AP1M1: variants seen among roughly 807,000 people sequenced by gnomAD.
AP1M1 encodes the protein AP-1 complex subunit mu-1.
Under a neutral mutation model 57.1 loss-of-function variants are expected in AP1M1, and 18 were observed. That is an observed-to-expected ratio of 0.32 (90% CI 0.22 to 0.47). AP1M1 has a LOEUF of 0.47. Among genes scored for constraint, AP1M1 ranks in the 20% least tolerant of loss-of-function variants. AP1M1 has a pLI of 1.00. For synonymous variants in AP1M1, 241 were observed against 237.9 expected (o/e 1.01, Z -0.12); for missense variants, 362 against 593.5 (o/e 0.61, Z 4.05).
chr19:16,227,987 C>T lies in AP1M1; in HGVS notation c.817-150C>T. 1.1e-6 allele frequency: 1 copy of T among 870,532 alleles called. No individual in the cohort carries two copies. Among genetic ancestry groups the T allele is most frequent in the South Asian group, 1.6e-5 (1 of 64,044 alleles). 53.9% of individuals were successfully genotyped at this position (870,532 alleles called of 1,614,324 possible). ...GGCTACCTCGGCCTGTCTGCCCTGG[C>T]CCTCCCTGACGCTGGCTGTACGCTC... On this transcript the variant is annotated intron_variant, in intron 7 of 11. Coordinates refer to ENST00000291439, the MANE Select transcript of AP1M1 (RefSeq NM_032493.4). This position sits in a 1 kb window ranked among gnomAD's most constrained non-coding sequence, Gnocchi z 6.2.
At chr19:16,222,205 ATTATTAT>A (rs1232891209) in intron 5 of AP1M1, among the ~76,000 whole-genome samples, 628 of 60,372 alleles carry the variant, frequency 0.01, 6 homozygotes, top group African/African-American at 0.021. Flanking sequence ...TACTATTATT[ATTATTAT>A]TTTTTTTTTT....
At position 16,245,587 on chromosome 19, in the gene AP1M1, C is replaced by G. The variant is rs1045735285; in HGVS notation, c.*11152C>G. On this transcript the variant is annotated 3_prime_UTR_variant, in exon 12 of 12. Transcript: ENST00000291439. ...TCCACCCAGAATGACCTCTCTGTTC[C>G]TAGGAGTGTGACAGCATTTGGGGGG... is the stretch of plus-strand genomic sequence containing the variant. 1 of 152,542 alleles carries G rather than the reference C, an allele frequency of 6.6e-6. No homozygotes were observed. Among genetic ancestry groups the G allele is most frequent in the Admixed American group, 6.6e-5 (1 of 15,256 alleles). 9.4% of individuals were successfully genotyped at this position (152,542 alleles called of 1,614,324 possible).
chr19:16,201,475 T>TG (rs1388339941), intron 1 of AP1M1, among the ~76,000 whole-genome samples: 1 of 127,668 alleles, frequency 7.8e-6, no homozygotes, highest in Non-Finnish European at 1.6e-5. Context: ...CTCGGCTCAC[T>TG]GCAACCTCTG....
chr19:16,200,660 C>T (rs2091443083), intron 1 of AP1M1, among the ~76,000 whole-genome samples: 1 of 152,196 alleles, frequency 6.6e-6, no homozygotes, highest in Non-Finnish European at 1.5e-5. Context: ...GTCTGGTCAC[C>T]GAGGACACCA....
chr19:16,243,412 G>A lies in AP1M1; in HGVS notation c.*8977G>A, dbSNP rs1001093455. ...GTCTCACAAGTAGCTGGGATTACAG[G>A]TGAGCACCACCAAGCTCAGCTATTT... On this transcript the variant is annotated 3_prime_UTR_variant, in exon 12 of 12. Coordinates refer to ENST00000291439, the MANE Select transcript of AP1M1 (RefSeq NM_032493.4). 5.4e-5 allele frequency: 8 copies of A among 149,068 alleles called. No homozygotes were observed. The highest frequency in any genetic ancestry group is 1.7e-4 in the African/African-American group (7 of 40,586). The allele number at this position is 149,068 out of a possible 1,614,324, so 9.2% of individuals were successfully genotyped here.
Position 16,203,704 on chromosome 19 carries a change from T to C in AP1M1, c.199+89T>C, listed in dbSNP as rs2091458471. ...CACACGCCTGCAAGCAGGGCTGGTT[T>C]GTGCACAGCGCAAGCATTGGACACA... On this transcript the variant is annotated intron_variant, in intron 2 of 11. Coordinates refer to ENST00000291439, the MANE Select transcript of AP1M1 (RefSeq NM_032493.4). This position sits in a 1 kb window ranked among gnomAD's most constrained non-coding sequence, Gnocchi z 4.6. The C allele has an allele frequency of 1.8e-5, 25 of 1,417,832 alleles. No homozygotes were observed. Among genetic ancestry groups the C allele is most frequent in the Non-Finnish European group, 2.3e-5 (24 of 1,038,756 alleles). The allele number at this position is 1,417,832 out of a possible 1,614,324, so 87.8% of individuals were successfully genotyped here.
At chr19:16,218,629 G>A (rs2091529103) in intron 5 of AP1M1, among the ~76,000 whole-genome samples, 1 of 152,224 alleles carries the variant, frequency 6.6e-6, no homozygotes, top group Non-Finnish European at 1.5e-5. Flanking sequence ...TGTCTGCACA[G>A]TGTCCCTGTC....
At position 16,208,004 on chromosome 19, in the gene AP1M1, C is replaced by T; in HGVS notation, c.268-15C>T. 1 of 1,606,248 alleles carries T rather than the reference C, an allele frequency of 6.2e-7. No individual in the cohort carries two copies. The highest frequency in any genetic ancestry group is 1.3e-5 in the African/African-American group (1 of 74,742). ...ATCTGCCTCCCATTCCTCCCTCCCT[C>T]CCCAACCGCCACAGGTGTTTTCCGA... On this transcript the variant is annotated splice_polypyrimidine_tract_variant and intron_variant, in intron 3 of 11. Coordinates refer to ENST00000291439, the MANE Select transcript of AP1M1 (RefSeq NM_032493.4).
At position 16,197,971 on chromosome 19, in the gene AP1M1, A is replaced by G; in HGVS notation, c.-56A>G. 1 of 1,093,784 alleles carries G rather than the reference A, an allele frequency of 9.1e-7. No homozygotes were observed. The highest frequency in any genetic ancestry group is 4.8e-5 in the African/African-American group (1 of 20,972). The allele number at this position is 1,093,784 out of a possible 1,614,324, so 67.8% of individuals were successfully genotyped here. A position where few individuals can be genotyped will look rare whatever the true frequency, so the allele number is the denominator to read the frequency against. On this transcript the variant is annotated 5_prime_UTR_variant, in exon 1 of 12. Transcript: ENST00000291439. ...CCTTGCTCAACGCCCAGCAGTCCCC[A>G]CCGTCGCTGCCGCCGCCACCGCCCT...
chr19:16,228,328 G>C lies in AP1M1; in HGVS notation c.888+120G>C, dbSNP rs2091580302. The C allele has an allele frequency of 9.7e-7, 1 of 1,034,892 alleles. No individual in the cohort carries two copies. The highest frequency in any genetic ancestry group is 2.6e-5 in the East Asian group (1 of 38,670). 64.1% of individuals were successfully genotyped at this position (1,034,892 alleles called of 1,614,324 possible). Reference sequence around the variant, plus strand: ...TCCGTGCACCCTCACTGTGGCCTCAGATGCAGGAGTGACCTGACACTGAGG... The same window carrying C: ...TCCGTGCACCCTCACTGTGGCCTCACATGCAGGAGTGACCTGACACTGAGG... On this transcript the variant is annotated intron_variant, in intron 8 of 11. Transcript: ENST00000291439. The surrounding 1 kb of genome is among the most constrained non-coding windows in gnomAD (Gnocchi z 5.0).
chr19:16,199,291 C>T (rs1342148015), intron 1 of AP1M1, among the ~76,000 whole-genome samples: 1 of 152,142 alleles, frequency 6.6e-6, no homozygotes, highest in East Asian at 1.9e-4. Flanking sequence ...ACCAGAGACA[C>T]CAGGGAGCTG....
chr19:16,211,950 C>G (rs936684733), intron 5 of AP1M1, among the ~76,000 whole-genome samples: 1 of 152,130 alleles, frequency 6.6e-6, no homozygotes, highest in Non-Finnish European at 1.5e-5. Context: ...GGATAAAAGC[C>G]TTCTTGATTG....
In AP1M1 at chr19:16,225,809, G is replaced by T. The variant is rs142652454; in HGVS notation, c.547-612G>T. On this transcript the variant is annotated intron_variant, in intron 5 of 11. Coordinates refer to ENST00000291439, the MANE Select transcript of AP1M1 (RefSeq NM_032493.4). ...GCAAGAAGGGGTCAGGACTCAGGAA[G>T]CACCATCTCTCATAAGCCCTGGGGG... 5.0e-3 allele frequency among the ~76,000 whole-genome samples: 754 copies of T among 152,286 alleles called. 5 individuals are homozygous for T. The highest frequency in any genetic ancestry group is 4.2e-3 in the Non-Finnish European group (288 of 68,014).
chr19:16,201,870 G>T (rs1568346930), intron 1 of AP1M1, among the ~76,000 whole-genome samples: 4 of 152,216 alleles, frequency 2.6e-5, no homozygotes, highest in Admixed American at 2.6e-4. Context: ...CGTCAGAGGG[G>T]CTGTGAGGAG....
chr19:16,232,306 G>A (rs1008283209), intron 9 of AP1M1, among the ~76,000 whole-genome samples: 1 of 152,352 alleles, frequency 6.6e-6, no homozygotes, highest in South Asian at 2.1e-4. Context: ...GTGTGAGCCG[G>A]CGCCAGCCTA....
rs1011173208 is a variant in AP1M1 at position 16,207,252 on chromosome 19, G to A, written c.268-767G>A. Among the ~76,000 whole-genome samples the A allele has an allele frequency of 6.6e-6, 1 of 152,132 alleles. No homozygotes were observed. The highest frequency in any genetic ancestry group is 2.4e-5 in the African/African-American group (1 of 41,424). ...CTGATGCTGCCTGTGCAGAATGTTG[G>A]GGAACAGGGGCAAGCCTGGGCGGTG... On this transcript the variant is annotated intron_variant, in intron 3 of 11. Transcript: ENST00000291439. This position sits in a 1 kb window ranked among gnomAD's most constrained non-coding sequence, Gnocchi z 4.2.
At chr19:16,208,989 G>T (rs1247513764) in intron 4 of AP1M1, 41 bp from the exon 5 acceptor site, 1 of 1,594,278 alleles carries the variant, frequency 6.3e-7, no homozygotes, top group African/African-American at 1.3e-5. Flanking sequence ...TGGCGTTGGT[G>T]CGGGTACCAC....
At chr19:16,223,729 C>T (rs893444974) in intron 5 of AP1M1, among the ~76,000 whole-genome samples, 6 of 152,270 alleles carry the variant, frequency 3.9e-5, no homozygotes, top group South Asian at 2.1e-4. Context: ...TCGTGGGGGG[C>T]GGTGGGAACA....
At chr19:16,201,868 G>A (rs187386981) in intron 1 of AP1M1, among the ~76,000 whole-genome samples, 409 of 152,320 alleles carry the variant, frequency 2.7e-3, no homozygotes, top group Non-Finnish European at 4.2e-3. Flanking sequence ...GGCGTCAGAG[G>A]GGCTGTGAGG....
Sources: allele counts gnomAD v4.1 joint callset (sites outside exome capture counted in the v4.1 genomes callset), GRCh38; gene constraint gnomAD v4.1.1; non-coding constraint Gnocchi (gnomAD v3.1); transcripts MANE v1.5; gene names NCBI Gene and HGNC (gene_info 2026-07-23, HGNC 2026-07-21).